The following RARB variants were observed in gnomAD, a reference collection of about 807,000 sequenced individuals.
The protein encoded by RARB is retinoic acid receptor beta.
RARB carries 17 observed loss-of-function variants against 51.9 expected under a neutral mutation model. The ratio of observed to expected loss-of-function variants is 0.33; its 90% CI spans 0.22 to 0.49. The LOEUF is 0.49. RARB is among the 20% of genes least tolerant of loss of function. The pLI is 0.99. For missense variants in RARB, 369 were observed against 550.8 expected, an observed-to-expected ratio of 0.67 and a Z score of 3.30; for synonymous variants, 215 against 195.4, an observed-to-expected ratio of 1.10 and a Z score of -0.84.
At chr3:25,181,039 G>A (rs962729435) in intron 5 of RARB, among the ~76,000 whole-genome samples, 5 of 152,266 alleles carry the variant, frequency 3.3e-5, no homozygotes, top group Admixed American at 3.3e-4. Context: ...TCAGTGGTGG[G>A]GCTGGGCTTG....
At chr3:25,173,826 C>A (rs1559492024) in intron 4 of RARB, among the ~76,000 whole-genome samples, 2 of 152,154 alleles carry the variant, frequency 1.3e-5, no homozygotes, top group Non-Finnish European at 2.9e-5. Flanking sequence ...TGTAATGTAT[C>A]AAGTCGTTTA....
intron 3 of RARB, among the ~76,000 whole-genome samples, chr3:25,547,370 AT>A (rs1156455582): frequency 6.6e-6 from 1 of 152,216 alleles, no homozygotes; most frequent in Non-Finnish European, 1.5e-5. Context: ...CACCATTGGA[AT>A]TTCAGCAGAC....
chr3:25,033,507 A>C (rs1454753357), intron 2 of RARB, among the ~76,000 whole-genome samples: 1 of 152,160 alleles, frequency 6.6e-6, no homozygotes, highest in African/African-American at 2.4e-5. Flanking sequence ...TGGGAAAGCT[A>C]AGAGAAGCTG....
chr3:24,887,894 A>C (rs1000215248), intron 2 of RARB, among the ~76,000 whole-genome samples: 1 of 152,072 alleles, frequency 6.6e-6, no homozygotes, highest in Non-Finnish European at 1.5e-5. Flanking sequence ...GCCTTGAGGG[A>C]GAGGTGGTGT....
At chr3:24,854,083 C>CGTAAATAGA in intron 1 of RARB, among the ~76,000 whole-genome samples, 1 of 152,042 alleles carries the variant, frequency 6.6e-6, no homozygotes, top group East Asian at 1.9e-4. Context: ...GTAGTTTCAT[C>CGTAAATAGA]GTAAATAGAG....
intron 1 of RARB, among the ~76,000 whole-genome samples, chr3:24,848,902 T>C (rs1189496089): frequency 6.6e-6 from 1 of 152,194 alleles, no homozygotes; most frequent in African/African-American, 2.4e-5. Context: ...AAATAATTTA[T>C]TTGATGTTGA....
At chr3:25,368,826 AG>A (rs1231352195) in intron 5 of RARB, among the ~76,000 whole-genome samples, 1 of 152,188 alleles carries the variant, frequency 6.6e-6, no homozygotes, top group Non-Finnish European at 1.5e-5. Context: ...TCATACCTAC[AG>A]ATTCTAACAG....
intron 4 of RARB, among the ~76,000 whole-genome samples, chr3:25,145,718 T>C (rs1046186553): frequency 7.9e-5 from 12 of 152,130 alleles, no homozygotes; most frequent in African/African-American, 2.9e-4. Flanking sequence ...TGTCAAAAAA[T>C]TCATGCCTGG....
chr3:25,057,845 C>A (rs992070774), intron 2 of RARB, among the ~76,000 whole-genome samples: 2 of 151,644 alleles, frequency 1.3e-5, no homozygotes, highest in African/African-American at 4.8e-5. Flanking sequence ...CAGAACTTGA[C>A]CAATAAAGTC....
chr3:25,058,538 A>G (rs957587260), intron 2 of RARB, among the ~76,000 whole-genome samples: 3 of 150,170 alleles, frequency 2.0e-5, no homozygotes, highest in Non-Finnish European at 4.5e-5. Context: ...CATCTCCAAA[A>G]CCAAGTAAAA....
chr3:25,327,394 A>G (rs1435187370), intron 5 of RARB, among the ~76,000 whole-genome samples: 1 of 152,192 alleles, frequency 6.6e-6, no homozygotes. Context: ...GGGGAACATT[A>G]TAATCAAAGC....
At chr3:24,881,405 A>G (rs4858659) in intron 2 of RARB, among the ~76,000 whole-genome samples, 52,161 of 152,070 alleles carry the variant, frequency 0.34, 11,124 homozygotes, top group Non-Finnish European at 0.46. Flanking sequence ...TCTGGTACAT[A>G]GGACTTGAGA....
chr3:25,045,519 T>G (rs1315619982), intron 2 of RARB, among the ~76,000 whole-genome samples: 1 of 152,210 alleles, frequency 6.6e-6, no homozygotes, highest in Admixed American at 6.5e-5. Flanking sequence ...GTTCATTGTT[T>G]GGGGCCTCTG....
chr3:24,976,795 C>T (rs1022377008), intron 2 of RARB, among the ~76,000 whole-genome samples: 6 of 152,008 alleles, frequency 3.9e-5, no homozygotes, highest in East Asian at 1.9e-4. Flanking sequence ...TTGGCTTTTG[C>T]TGCCATTGCT....
In RARB at chr3:25,062,343, A is replaced by G. The variant is rs138855444; in HGVS notation, c.-328+2167A>G. 4.3e-3 allele frequency among the ~76,000 whole-genome samples: 656 copies of G among 152,016 alleles called. 3 individuals are homozygous for G. Among genetic ancestry groups the G allele is most frequent in the African/African-American group, 0.015 (617 of 41,552 alleles). The stretch of plus-strand genomic sequence containing the variant: ...AATAATATCCAGCAATGGCAAAGCC[A>G]TAGGAAATCTCTACTCTTATTCCTT... On this transcript the variant is annotated intron_variant, in intron 3 of 11. Transcript: ENST00000383772.
In RARB at chr3:25,413,613, T is replaced by C. The variant is rs183638745; in HGVS notation, c.179-47580T>C. ...TTCCCACTGGCAGTATATGAAAATT[T>C]AGATTTCTCCACATCTTCACCAACC... On this transcript the variant is annotated intron_variant, in intron 5 of 11. Transcript: ENST00000383772. Among the ~76,000 whole-genome samples, 5 of 152,346 alleles carry C rather than the reference T, an allele frequency of 3.3e-5. No individual in the cohort carries two copies. In the East Asian group the frequency reaches 5.8e-4, roughly 18 times the overall value.
At chr3:25,554,252 T>C (rs557769679) in intron 3 of RARB, among the ~76,000 whole-genome samples, 3 of 150,096 alleles carry the variant, frequency 2.0e-5, no homozygotes, top group African/African-American at 7.4e-5. Context: ...CAAAAAAACA[T>C]GAGGGGGTGA....
At chr3:25,308,081 G>A (rs142779713) in intron 5 of RARB, among the ~76,000 whole-genome samples, 1 of 152,128 alleles carries the variant, frequency 6.6e-6, no homozygotes, top group Non-Finnish European at 1.5e-5. Context: ...CCCATGAGTA[G>A]GTACAGATGT....
At chr3:25,257,934 T>C (rs1236301642) in intron 5 of RARB, among the ~76,000 whole-genome samples, 1 of 152,126 alleles carries the variant, frequency 6.6e-6, no homozygotes, top group African/African-American at 2.4e-5. Flanking sequence ...TTGAGCCCCT[T>C]CATCATTTGT....
Sources: gnomAD v4.1 joint callset for allele counts (sites outside exome capture counted in the v4.1 genomes callset) on GRCh38, gnomAD v4.1.1 for gene constraint, MANE v1.5 for transcripts, NCBI Gene and HGNC (gene_info 2026-07-23, HGNC 2026-07-21) for gene names.